BCL2L1: variants seen among roughly 807,000 people sequenced by gnomAD.
The protein encoded by BCL2L1 is bcl-2-like protein 1.
Under a neutral mutation model 18.7 loss-of-function variants are expected in BCL2L1, and 1 was observed. The ratio of observed to expected loss-of-function variants is 0.05; its 90% confidence interval spans 0.02 to 0.25. The LOEUF (loss-of-function observed/expected upper bound fraction) is 0.25. Among genes scored for constraint, BCL2L1 ranks in the 10% least tolerant of loss-of-function variants. BCL2L1 has a pLI of 1.00. For missense variants in BCL2L1, 207 were observed against 304.9 expected (o/e 0.68, Z 2.39); for synonymous variants, 103 against 122.7 (o/e 0.84, Z 1.06).
At chr20:31,697,623 G>A (rs986762982) in intron 2 of BCL2L1, among the ~76,000 whole-genome samples, 1 of 152,044 alleles carries the variant, frequency 6.6e-6, no homozygotes, top group African/African-American at 2.4e-5. Flanking sequence ...ATTTTTAGTA[G>A]AGACGGGGTT....
chr20:31,677,548 A>C (rs1361883325), intron 2 of BCL2L1, among the ~76,000 whole-genome samples: 1 of 152,196 alleles, frequency 6.6e-6, no homozygotes, highest in Non-Finnish European at 1.5e-5. Flanking sequence ...AGGTCTTAGA[A>C]TTGTGCATGG....
chr20:31,670,410 C>G (rs967640043), intron 2 of BCL2L1, among the ~76,000 whole-genome samples: 1 of 152,164 alleles, frequency 6.6e-6, no homozygotes, highest in Non-Finnish European at 1.5e-5. Flanking sequence ...GGGGTTGCAG[C>G]CAAAATGGGA....
intron 2 of BCL2L1, among the ~76,000 whole-genome samples, chr20:31,681,372 G>C (rs1271858424): frequency 6.6e-6 from 1 of 152,232 alleles, no homozygotes; most frequent in East Asian, 1.9e-4. Context: ...GGCTGGGCCA[G>C]GTGTAGCGGC....
intron 2 of BCL2L1, among the ~76,000 whole-genome samples, chr20:31,687,908 C>T (rs887647042): frequency 1.3e-5 from 2 of 152,086 alleles, no homozygotes; most frequent in Admixed American, 6.6e-5. Context: ...TGTAAGAGCA[C>T]AGGCATCAGA....
chr20:31,707,953 C>T lies in BCL2L1; in HGVS notation c.564+13702G>A, dbSNP rs150930830. 3.6e-3 allele frequency among the ~76,000 whole-genome samples: 551 copies of T among 152,222 alleles called. 3 individuals carry two copies. Among genetic ancestry groups the T allele is most frequent in the African/African-American group, 0.012 (506 of 41,510 alleles). ...AAATTTCGTACCTGACTCTTAACAA[C>T]GATGGAATTTCTCCCAAGGAGGCAA... On this transcript the variant is annotated intron_variant, in intron 2 of 2. Coordinates refer to ENST00000307677, the MANE Select transcript of BCL2L1 (RefSeq NM_138578.3).
At chr20:31,680,381 C>T (rs6088962) in intron 2 of BCL2L1, among the ~76,000 whole-genome samples, 26,546 of 152,122 alleles carry the variant, frequency 0.17, 2,741 homozygotes, top group Non-Finnish European at 0.22. Flanking sequence ...GTAGCATTCC[C>T]CCCTGGTTCC....
At chr20:31,685,420 G>A (rs2060940563) in intron 2 of BCL2L1, among the ~76,000 whole-genome samples, 1 of 151,696 alleles carries the variant, frequency 6.6e-6, no homozygotes. Flanking sequence ...AAAGAATTGA[G>A]AAAGAGAGAA....
intron 2 of BCL2L1, among the ~76,000 whole-genome samples, chr20:31,684,384 A>T (rs540978982): frequency 2.0e-4 from 31 of 152,346 alleles, no homozygotes; most frequent in African/African-American, 7.0e-4. Flanking sequence ...TGAGGTCCAC[A>T]GAGACCAGAG....
At chr20:31,678,934 T>C (rs983349124) in intron 2 of BCL2L1, among the ~76,000 whole-genome samples, 1 of 152,152 alleles carries the variant, frequency 6.6e-6, no homozygotes. Context: ...TCACACCCCA[T>C]GTAACCAAAA....
At chr20:31,721,091 T>A in intron 2 of BCL2L1, 1 of 595,014 alleles carries the variant, frequency 1.7e-6, no homozygotes, top group Non-Finnish European at 2.1e-6. Context: ...TTCTCAGCCA[T>A]TCAACCCAGT....
intron 2 of BCL2L1, among the ~76,000 whole-genome samples, chr20:31,676,387 A>G (rs1413716337): frequency 1.3e-5 from 2 of 152,202 alleles, no homozygotes; most frequent in African/African-American, 2.4e-5. Context: ...CACAGAGGCC[A>G]CAAGTGGTAG....
At chr20:31,722,914 C>G (rs1180585737), upstream of BCL2L1, 1 of 152,406 alleles carries the variant, frequency 6.6e-6, no homozygotes, top group African/African-American at 2.4e-5. Flanking sequence ...GGGAGCCCAG[C>G]CCCCTCTCTC....
intron 2 of BCL2L1, among the ~76,000 whole-genome samples, chr20:31,684,478 G>A (rs981039908): frequency 6.6e-6 from 1 of 152,180 alleles, no homozygotes; most frequent in Non-Finnish European, 1.5e-5. Context: ...TGGGGTTCAG[G>A]TGTAGGTCTG....
intron 2 of BCL2L1, among the ~76,000 whole-genome samples, chr20:31,679,127 C>G (rs1165810531): frequency 1.3e-5 from 2 of 152,178 alleles, no homozygotes; most frequent in African/African-American, 4.8e-5. Context: ...TCATTTCTGC[C>G]CCAGTCCATT....
upstream of BCL2L1, chr20:31,723,485 G>C (rs1273217047): frequency 2.0e-6 from 2 of 985,274 alleles, no homozygotes; most frequent in Non-Finnish European, 2.4e-6. Context: ...CCGGAGCCCA[G>C]GGTGGGCCGG....
At chr20:31,720,883 G>GT (rs1421027046) in intron 2 of BCL2L1, 1 of 985,292 alleles carries the variant, frequency 1.0e-6, no homozygotes, top group Non-Finnish European at 1.2e-6. Flanking sequence ...TGGCCGGAAA[G>GT]TAACAGGCAG....
intron 2 of BCL2L1, among the ~76,000 whole-genome samples, chr20:31,717,405 C>T (rs1034346018): frequency 7.9e-5 from 12 of 151,776 alleles, no homozygotes; most frequent in African/African-American, 2.9e-4. Context: ...AAAAAATACC[C>T]GGGTAATTTT....
chr20:31,673,539 C>CAGCAACTCAGGATGCTGAGG (rs1316086335), intron 2 of BCL2L1, among the ~76,000 whole-genome samples: 1 of 151,328 alleles, frequency 6.6e-6, no homozygotes, highest in Non-Finnish European at 1.5e-5. Flanking sequence ...TCTATGGTCT[C>CAGCAACTCAGGATGCTGAGG]AGCAACTCAG....
At chr20:31,713,698 C>A in intron 2 of BCL2L1, 1 of 595,326 alleles carries the variant, frequency 1.7e-6, no homozygotes, top group Non-Finnish European at 2.1e-6. Context: ...AAAAGAGAAG[C>A]CAGATGATGT....
Sources: allele counts gnomAD v4.1 joint callset (sites outside exome capture counted in the v4.1 genomes callset), GRCh38; gene constraint gnomAD v4.1.1; transcripts MANE v1.5; gene names NCBI Gene and HGNC (gene_info 2026-07-23, HGNC 2026-07-21).